Variants in C3orf85 observed in about 807,000 individuals in gnomAD.
C3orf85 encodes the protein chromosome 3 open reading frame 85.
In C3orf85, 1 loss-of-function variant was observed where a neutral mutation model predicts 1.7. The observed-to-expected ratio is 0.60, with a 90% CI of 0.21 to 2.86. The LOEUF is 2.86. Ranked by LOEUF, C3orf85 falls within the 30% of genes most tolerant of loss-of-function variation. The pLI is 0.22. For synonymous variants in C3orf85, 17 were observed against 8.0 expected (o/e 2.13, Z -1.90); for missense variants, 29 against 21.3 (o/e 1.36, Z -0.72).
intron 2 of C3orf85, among the ~76,000 whole-genome samples, chr3:109,138,946 T>C (rs1343354084): frequency 6.6e-6 from 1 of 152,236 alleles, no homozygotes; most frequent in East Asian, 1.9e-4. Flanking sequence ...TGCCTTCTTC[T>C]ATAATGAAAT....
chr3:109,138,056 G>A (rs1194722438), intron 2 of C3orf85, among the ~76,000 whole-genome samples: 2 of 151,678 alleles, frequency 1.3e-5, no homozygotes, highest in South Asian at 2.1e-4. Context: ...AATGCTTCAG[G>A]GTCAAAAATA....
rs920724774 is a variant in C3orf85, at chr3:109,148,237, G to A, written c.50-16G>A. 8 of 700,170 alleles carry A rather than the reference G, an allele frequency of 1.1e-5. No homozygotes were observed. In the African/African-American group the frequency reaches 1.2e-4, roughly 11 times the overall value. The allele number at this position is 700,170 out of a possible 1,614,324, so 43.4% of individuals were successfully genotyped here. The stretch of plus-strand genomic sequence containing the variant: ...TTGCTCTAAAAGATGCTGTGCTCTT[G>A]GACTCTAAATTGCAGGAGCATTGGG... On this transcript the variant is annotated splice_polypyrimidine_tract_variant and intron_variant, in intron 2 of 3. Coordinates refer to ENST00000622536, the MANE Select transcript of C3orf85 (RefSeq NM_001351622.2).
At chr3:109,148,551 G>A (rs1390696907) in intron 3 of C3orf85, 165 bp downstream of exon 3, 9 of 567,062 alleles carry the variant, frequency 1.6e-5, no homozygotes, top group Non-Finnish European at 2.5e-5. Context: ...TTTTTGCCTG[G>A]TAAACTCTGC....
intron 2 of C3orf85, among the ~76,000 whole-genome samples, chr3:109,145,354 C>T (rs1706786921): frequency 1.3e-5 from 2 of 152,034 alleles, no homozygotes; most frequent in Admixed American, 1.3e-4. Flanking sequence ...TGGTATTATG[C>T]CATGTGAAGT....
intron 2 of C3orf85, among the ~76,000 whole-genome samples, chr3:109,139,452 T>C (rs754397576): frequency 6.6e-6 from 1 of 152,160 alleles, no homozygotes; most frequent in African/African-American, 2.4e-5. Flanking sequence ...AGGGCATTTA[T>C]TAAAACCAAA....
chr3:109,147,725 A>G (rs1429642655), intron 2 of C3orf85, among the ~76,000 whole-genome samples: 1 of 152,138 alleles, frequency 6.6e-6, no homozygotes, highest in African/African-American at 2.4e-5. Flanking sequence ...GCCAAACCAC[A>G]GTGTCAGGTT....
At chr3:109,145,278 C>A (rs1299263565) in intron 2 of C3orf85, among the ~76,000 whole-genome samples, 1 of 152,080 alleles carries the variant, frequency 6.6e-6, no homozygotes. Flanking sequence ...ATATTAAATA[C>A]ATAAAGTATT....
intron 2 of C3orf85, among the ~76,000 whole-genome samples, chr3:109,145,708 A>G (rs1365188764): frequency 6.6e-6 from 1 of 152,194 alleles, no homozygotes; most frequent in Non-Finnish European, 1.5e-5. Context: ...CTTATTCAGA[A>G]ATGATTATTA....
intron 2 of C3orf85, among the ~76,000 whole-genome samples, chr3:109,145,386 A>C (rs566953419): frequency 6.6e-6 from 1 of 152,346 alleles, no homozygotes; most frequent in African/African-American, 2.4e-5. Context: ...AAAAGAACAA[A>C]TACTCTATGA....
intron 2 of C3orf85, among the ~76,000 whole-genome samples, chr3:109,138,656 G>C (rs535394747): frequency 1.4e-4 from 22 of 152,144 alleles, no homozygotes; most frequent in African/African-American, 5.1e-4. Context: ...GAGGTAGGGA[G>C]AAGGTCTCAT....
intron 2 of C3orf85, among the ~76,000 whole-genome samples, chr3:109,142,830 A>G (rs1214906233): frequency 2.6e-5 from 4 of 152,072 alleles, no homozygotes; most frequent in African/African-American, 4.8e-5. Flanking sequence ...GTTTTGATCA[A>G]GTTGAGAAAT....
intron 3 of C3orf85, chr3:109,149,603 T>C (rs60404590): frequency 0.013 from 4,538 of 342,446 alleles, 121 homozygotes; most frequent in African/African-American, 0.064. Context: ...TGGTTTATAC[T>C]GTGGCCCCAC....
At chr3:109,142,521 A>G (rs1468666817) in intron 2 of C3orf85, among the ~76,000 whole-genome samples, 2 of 152,148 alleles carry the variant, frequency 1.3e-5, no homozygotes, top group Admixed American at 1.3e-4. Flanking sequence ...CCCTAAGGGA[A>G]ATAGCTAGCA....
intron 3 of C3orf85, chr3:109,148,616 A>G: frequency 2.1e-6 from 1 of 477,418 alleles, no homozygotes; most frequent in South Asian, 2.8e-5. Flanking sequence ...CCTTCTTCTC[A>G]GGGCGACATT....
intron 2 of C3orf85, among the ~76,000 whole-genome samples, chr3:109,137,668 T>TATATATATATATATAA (rs1359245592): frequency 7.0e-6 from 1 of 142,046 alleles, no homozygotes. Flanking sequence ...TATATATATA[T>TATATATATATATATAA]AAAATAAGCC....
intron 2 of C3orf85, among the ~76,000 whole-genome samples, chr3:109,140,522 T>C (rs1459542152): frequency 6.6e-6 from 1 of 152,198 alleles, no homozygotes; most frequent in Non-Finnish European, 1.5e-5. Flanking sequence ...CTCAATGTCA[T>C]TGCTTATGAC....
chr3:109,145,892 T>C (rs1706792334), intron 2 of C3orf85, among the ~76,000 whole-genome samples: 1 of 152,196 alleles, frequency 6.6e-6, no homozygotes, highest in African/African-American at 2.4e-5. Flanking sequence ...GCTCCTCCAT[T>C]CTTTAACTCT....
intron 2 of C3orf85, among the ~76,000 whole-genome samples, chr3:109,146,791 G>A (rs749001662): frequency 2.0e-5 from 3 of 152,082 alleles, no homozygotes; most frequent in South Asian, 2.1e-4. Flanking sequence ...GGTTATGTAC[G>A]TCAGCCCTAT....
chr3:109,137,637 G>GTGTGTGTGTGTATATATATA (rs751674362), intron 2 of C3orf85, among the ~76,000 whole-genome samples: 3 of 79,896 alleles, frequency 3.8e-5, no homozygotes, highest in Non-Finnish European at 5.3e-5. Context: ...GTGTGTGTGT[G>GTGTGTGTGTGTATATATATA]TATATATATA....
Sources: gnomAD v4.1 joint callset for allele counts (sites outside exome capture counted in the v4.1 genomes callset) on GRCh38, gnomAD v4.1.1 for gene constraint, MANE v1.5 for transcripts, NCBI Gene and HGNC (gene_info 2026-07-23, HGNC 2026-07-21) for gene names.